Variants in TBC1D8 observed in about 807,000 individuals in gnomAD.
TBC1D8 encodes BUB2-like protein 1.
A neutral mutation model predicts 118.8 loss-of-function variants in TBC1D8; 65 were observed. The observed-to-expected ratio is 0.55, with a 90% CI of 0.45 to 0.67. The LOEUF (loss-of-function observed/expected upper bound fraction) is 0.67. TBC1D8 is among the 30% of genes least tolerant of loss of function. TBC1D8 has a pLI of 0.00. For missense variants in TBC1D8, 1,376 were observed against 1,471.2 expected (o/e 0.94, Z 1.06); for synonymous variants, 566 against 595.8 (o/e 0.95, Z 0.73).
At position 101,022,486 on chromosome 2, in the gene TBC1D8, G is replaced by C. The variant is rs1342792986; in HGVS notation, c.2556C>G (p.Pro852=). 1.1e-5 allele frequency: 18 copies of C among 1,602,304 alleles called. No homozygotes were observed. Among genetic ancestry groups the C allele is most frequent in the Non-Finnish European group, 1.5e-5 (18 of 1,176,870 alleles). The change falls in exon 16 of 20, where the codon CCC becomes CCG. Residue 852 remains proline, a synonymous_variant. Coordinates refer to ENST00000409318, the MANE Select transcript of TBC1D8 (RefSeq NM_001330348.2). ...EHMMSCYWEQ[P]RPMASRHDPS... ...GGTCGTGGCGTGAGGCCATGGGCCTGGGCTGCTCCCAGTAACAGCTCATCA... is the reference window on the plus strand; with the variant it reads ...GGTCGTGGCGTGAGGCCATGGGCCTCGGCTGCTCCCAGTAACAGCTCATCA...
chr2:101,096,249 A>G (rs1239289255), intron 1 of TBC1D8, among the ~76,000 whole-genome samples: 4 of 151,998 alleles, frequency 2.6e-5, no homozygotes, highest in African/African-American at 9.7e-5. Context: ...AAGCCCAAAG[A>G]CAAATGGAGA....
At chr2:101,118,503 T>C (rs7605979) in intron 1 of TBC1D8, among the ~76,000 whole-genome samples, 17,214 of 149,778 alleles carry the variant, frequency 0.11, 1,049 homozygotes, top group East Asian at 0.21. Flanking sequence ...GAGACCATCC[T>C]GGCTAACACG....
At chr2:101,093,936 A>G (rs1201249120) in intron 1 of TBC1D8, among the ~76,000 whole-genome samples, 1 of 152,014 alleles carries the variant, frequency 6.6e-6, no homozygotes, top group Non-Finnish European at 1.5e-5. Flanking sequence ...ACCTCAGGCA[A>G]TTCACCTATG....
intron 17 of TBC1D8, among the ~76,000 whole-genome samples, chr2:101,021,267 G>A (rs192559034): frequency 6.6e-6 from 1 of 152,274 alleles, no homozygotes; most frequent in Admixed American, 6.5e-5. Flanking sequence ...GGTTTCTAGT[G>A]CTGAAATTTG....
intron 3 of TBC1D8, among the ~76,000 whole-genome samples, chr2:101,055,760 T>C (rs1682383194): frequency 6.6e-6 from 1 of 152,176 alleles, no homozygotes; most frequent in Non-Finnish European, 1.5e-5. Context: ...TGAGAATATC[T>C]TCTTGGTACC....
chr2:101,151,055 TG>T, intron 1 of TBC1D8, 71 bp downstream of exon 1: 1 of 958,396 alleles, frequency 1.0e-6, no homozygotes, highest in Non-Finnish European at 1.2e-6. Context: ...AGCCCGGGAC[TG>T]GGGGCCGCGG....
rs760034032 is a variant in TBC1D8 at position 101,007,833 on chromosome 2, C to T, written c.3456G>A (p.Leu1152=). ...MSHQSQSELK[L]SNL is the part of the protein sequence containing the mutation. ...AGCTGCTGTCTTGCTACAAGTTACT[C>T]AGCTTAAGTTCAGATTGTGATTGGT... Residue 1152 remains leucine (L), a synonymous_variant, in exon 20 of 20, where the codon CTG becomes CTA. Coordinates refer to ENST00000409318, the MANE Select transcript of TBC1D8 (RefSeq NM_001330348.2). The T allele has an allele frequency of 1.2e-6, 2 of 1,613,426 alleles. No individual in the cohort carries two copies. Among genetic ancestry groups the T allele is most frequent in the Non-Finnish European group, 1.7e-6 (2 of 1,179,594 alleles).
Position 101,040,279 on chromosome 2 carries a change from T to A in TBC1D8, c.979A>T (p.Ser327Cys). Residue 327 changes from serine to cysteine, a missense_variant, in exon 6 of 20, where the codon AGT becomes TGT. Ser to Cys is a moderately radical substitution (Grantham distance 112). Coordinates refer to ENST00000409318, the MANE Select transcript of TBC1D8 (RefSeq NM_001330348.2). Reference protein sequence around the residue: ...VVDCSLWTPFSRCHTTGRMFA... With the variant: ...VVDCSLWTPFCRCHTTGRMFA... Reference sequence around the variant, plus strand: ...ATCCGCCCCGTGGTGTGACAGCGACTGAACGGCGTCCAGAGCGAACAGTCC... The same window carrying A: ...ATCCGCCCCGTGGTGTGACAGCGACAGAACGGCGTCCAGAGCGAACAGTCC... 2 of 1,614,050 alleles carry A rather than the reference T, an allele frequency of 1.2e-6. No homozygotes were observed. Among genetic ancestry groups the A allele is most frequent in the Non-Finnish European group, 8.5e-7 (1 of 1,179,902 alleles).
At chr2:101,019,477 T>G (rs1233549675) in intron 17 of TBC1D8, 1 of 153,708 alleles carries the variant, frequency 6.5e-6, no homozygotes, top group African/African-American at 2.4e-5. Context: ...AAAATAGAGA[T>G]TTTAGGTTGT....
rs1453097094 is a variant in TBC1D8 at position 101,089,586 on chromosome 2, C to A, written c.283+623G>T. On this transcript the variant is annotated intron_variant, in intron 2 of 19. Transcript: ENST00000409318. Reference sequence around the variant, plus strand: ...GGAGAAGATGAGCAGGTGGTTTCCACCTTCTCTTAGCCCCCAGCTGTCCAG... The same window carrying A: ...GGAGAAGATGAGCAGGTGGTTTCCAACTTCTCTTAGCCCCCAGCTGTCCAG... 9.2e-5 allele frequency among the ~76,000 whole-genome samples: 14 copies of A among 152,194 alleles called. No individual in the cohort carries two copies. The South Asian group carries it at 2.7e-3, about 29-fold the overall frequency.
Position 101,032,253 on chromosome 2 carries a change from A to AG in TBC1D8, c.1936+14dup. 6.2e-7 allele frequency: 1 copy of AG among 1,609,950 alleles called. No individual in the cohort carries two copies. Among genetic ancestry groups the AG allele is most frequent in the South Asian group, 1.1e-5 (1 of 90,826 alleles). ...CTTCCCCAGATACACAGGAGGAGGA[A>AG]GGGGGTCTGTTTACCGATCACTCGG... On this transcript the variant is annotated intron_variant, in intron 11 of 19. Transcript: ENST00000409318.
At chr2:101,045,944 G>A (rs1484064993) in intron 5 of TBC1D8, among the ~76,000 whole-genome samples, 1 of 152,146 alleles carries the variant, frequency 6.6e-6, no homozygotes, top group Non-Finnish European at 1.5e-5. Flanking sequence ...AGTGAGCTGA[G>A]ATCACGCCAC....
intron 6 of TBC1D8, among the ~76,000 whole-genome samples, chr2:101,039,735 T>C (rs1410055758): frequency 6.6e-6 from 1 of 152,078 alleles, no homozygotes. Context: ...TCCAGGAGCA[T>C]ACAAAAGCCA....
chr2:101,112,991 T>C (rs758025852), intron 1 of TBC1D8, among the ~76,000 whole-genome samples: 6 of 152,194 alleles, frequency 3.9e-5, no homozygotes, highest in Non-Finnish European at 8.8e-5. Context: ...CGCACTCTGA[T>C]ACCCGTGCAG....
In TBC1D8 at chr2:101,017,739, A is replaced by G. The variant is rs1679760950; in HGVS notation, c.2827+3942T>C. ...GGTACATCACTTTATCACAGGCAAG[A>G]TAGGGTCAAGTGACAAAAAGGATAA... On this transcript the variant is annotated intron_variant, in intron 17 of 19. Transcript: ENST00000409318. 2.4e-5 allele frequency: 26 copies of G among 1,092,580 alleles called. No homozygotes were observed. In the South Asian group the frequency reaches 3.9e-4, roughly 16 times the overall value. The allele number at this position is 1,092,580 out of a possible 1,614,324, so 67.7% of individuals were successfully genotyped here.
In TBC1D8 at chr2:101,133,886, C is replaced by T. The variant is rs139794215; in HGVS notation, c.127+17241G>A. Among the ~76,000 whole-genome samples, 401 of 152,218 alleles carry T rather than the reference C, an allele frequency of 2.6e-3. 2 individuals carry two copies. The highest frequency in any genetic ancestry group is 9.3e-3 in the African/African-American group (386 of 41,534). On this transcript the variant is annotated intron_variant, in intron 1 of 19. Transcript: ENST00000409318. ...TGGAAGGCTAAGGGGAAGCAGGCAC[C>T]GCCTTCACAAGTCAGCAGGACAGAG... is the stretch of plus-strand genomic sequence containing the variant.
chr2:101,053,880 T>C (rs1016957036), intron 4 of TBC1D8, among the ~76,000 whole-genome samples: 10 of 152,258 alleles, frequency 6.6e-5, no homozygotes, highest in Admixed American at 4.6e-4. Flanking sequence ...TTAGTGGCTA[T>C]ATAAAGTGAA....
At chr2:101,034,544 G>A (rs1296646632) in intron 9 of TBC1D8, among the ~76,000 whole-genome samples, 1 of 152,214 alleles carries the variant, frequency 6.6e-6, no homozygotes, top group East Asian at 1.9e-4. Context: ...CAGAGCTACA[G>A]CCCAGGCCTC....
chr2:101,071,225 G>A lies in TBC1D8; in HGVS notation c.284-11686C>T, dbSNP rs371832655. 8.6e-4 allele frequency among the ~76,000 whole-genome samples: 130 copies of A among 151,928 alleles called. No homozygotes were observed. In the South Asian group the frequency reaches 0.015, roughly 18 times the overall value. ...GGTGTGGTGGTGGGCGCCTATTATAGTCCCAGCTACTCGGGAGGCTGAGGC... is the reference window on the plus strand; with the variant it reads ...GGTGTGGTGGTGGGCGCCTATTATAATCCCAGCTACTCGGGAGGCTGAGGC... On this transcript the variant is annotated intron_variant, in intron 2 of 19. Transcript: ENST00000409318.
Sources: allele counts gnomAD v4.1 joint callset (sites outside exome capture counted in the v4.1 genomes callset), GRCh38; gene constraint gnomAD v4.1.1; transcripts MANE v1.5; gene names NCBI Gene and HGNC (gene_info 2026-07-23, HGNC 2026-07-21).